The following MYT1L variants were observed in gnomAD, a reference collection of about 807,000 sequenced individuals.
MYT1L encodes myelin transcription factor 1-like protein.
In MYT1L, 12 loss-of-function variants were observed where a neutral mutation model predicts 126.7. The observed-to-expected ratio is 0.09, with a 90% CI of 0.06 to 0.15. The LOEUF (loss-of-function observed/expected upper bound fraction) is 0.15. Ranked by LOEUF, MYT1L falls within the 10% of genes least tolerant of loss-of-function variation. The probability of loss-of-function intolerance (pLI) is 1.00; values close to 1 mark genes in which losing one functional copy is unlikely to be tolerated. For missense variants in MYT1L, 979 were observed against 1,585.2 expected, an observed-to-expected ratio of 0.62 and a Z score of 6.49; for synonymous variants, 541 against 604.2, an observed-to-expected ratio of 0.90 and a Z score of 1.53.
chr2:2,192,689 C>A (rs1160352937), intron 2 of MYT1L, among the ~76,000 whole-genome samples: 1 of 152,132 alleles, frequency 6.6e-6, no homozygotes, highest in Non-Finnish European at 1.5e-5. Flanking sequence ...CACAAAGCCT[C>A]ATCCAAGTGT....
intron 2 of MYT1L, among the ~76,000 whole-genome samples, chr2:2,198,097 A>G (rs1169534366): frequency 1.3e-5 from 2 of 152,116 alleles, no homozygotes; most frequent in Non-Finnish European, 2.9e-5. Flanking sequence ...AAAGAAGGAA[A>G]TTCTGTTATT....
At chr2:1,849,365 A>G (rs1025929520) in intron 19 of MYT1L, among the ~76,000 whole-genome samples, 2 of 151,850 alleles carry the variant, frequency 1.3e-5, no homozygotes, top group African/African-American at 4.8e-5. Context: ...TTTTTAATCT[A>G]AACCAGTGAT....
chr2:2,295,249 G>A (rs549388225), intron 1 of MYT1L, among the ~76,000 whole-genome samples: 10 of 152,284 alleles, frequency 6.6e-5, no homozygotes, highest in Non-Finnish European at 8.8e-5. Context: ...GAGGAAGGGC[G>A]TTCCAGGCAG....
chr2:1,970,208 C>T (rs1002142808), intron 8 of MYT1L, among the ~76,000 whole-genome samples: 1 of 152,118 alleles, frequency 6.6e-6, no homozygotes, highest in South Asian at 2.1e-4. Flanking sequence ...GATTACTGCC[C>T]GCTCTCCTCA....
chr2:2,236,796 CTTCTTCTTCTTCTTCTTCTT>C (rs2094326199), intron 2 of MYT1L, among the ~76,000 whole-genome samples: 3 of 16,422 alleles, frequency 1.8e-4, no homozygotes, highest in African/African-American at 1.1e-3. Flanking sequence ...TCTTCTTCTT[CTTCTTCTTCTTCTTCTTCTT>C]TTTTTTTTTT....
At chr2:1,986,179 T>C (rs1172213906) in intron 5 of MYT1L, among the ~76,000 whole-genome samples, 3 of 152,252 alleles carry the variant, frequency 2.0e-5, no homozygotes. Flanking sequence ...GTCAGCTACA[T>C]TGTTAATAAT....
chr2:1,989,577 G>C (rs1170228902), intron 5 of MYT1L, among the ~76,000 whole-genome samples: 1 of 152,178 alleles, frequency 6.6e-6, no homozygotes, highest in Admixed American at 6.5e-5. Context: ...TGACAATACG[G>C]AAATAATTTA....
At chr2:2,199,378 T>C (rs1040992485) in intron 2 of MYT1L, among the ~76,000 whole-genome samples, 4 of 152,170 alleles carry the variant, frequency 2.6e-5, no homozygotes, top group Non-Finnish European at 5.9e-5. Context: ...CGGCCACAAT[T>C]TGATGGCCTT....
intron 15 of MYT1L, among the ~76,000 whole-genome samples, chr2:1,890,644 T>TA (rs879792677): frequency 0.014 from 2,078 of 146,292 alleles, 45 homozygotes; most frequent in African/African-American, 0.046. Flanking sequence ...GACAGAAAGT[T>TA]AAAAAAAAAA....
chr2:1,980,864 A>T (rs1245802211), intron 5 of MYT1L, among the ~76,000 whole-genome samples: 1 of 152,116 alleles, frequency 6.6e-6, no homozygotes, highest in Non-Finnish European at 1.5e-5. Context: ...ATAGCAGGAG[A>T]ACTCTACTCA....
intron 1 of MYT1L, among the ~76,000 whole-genome samples, chr2:2,301,299 A>G (rs1246282343): frequency 6.6e-6 from 1 of 152,124 alleles, no homozygotes; most frequent in Non-Finnish European, 1.5e-5. Context: ...TCTATATAAG[A>G]AAACTTTATT....
chr2:2,263,317 C>T (rs1209697386), intron 2 of MYT1L, among the ~76,000 whole-genome samples: 2 of 151,922 alleles, frequency 1.3e-5, no homozygotes, highest in Non-Finnish European at 2.9e-5. Context: ...CCTCCCAGCT[C>T]CAGGGTTAAC....
chr2:2,149,559 A>G (rs2085414066), intron 3 of MYT1L, among the ~76,000 whole-genome samples: 2 of 152,136 alleles, frequency 1.3e-5, no homozygotes, highest in Non-Finnish European at 1.5e-5. Context: ...CTGTTCCCTT[A>G]CTCAAAGTCT....
intron 2 of MYT1L, among the ~76,000 whole-genome samples, chr2:2,207,233 G>T (rs1054087608): frequency 6.6e-6 from 1 of 152,156 alleles, no homozygotes; most frequent in South Asian, 2.1e-4. Flanking sequence ...TGGAAAGCAT[G>T]ATTACTATGA....
At chr2:1,951,061 T>G (rs1400237270) in intron 8 of MYT1L, among the ~76,000 whole-genome samples, 1 of 152,054 alleles carries the variant, frequency 6.6e-6, no homozygotes, top group African/African-American at 2.4e-5. Context: ...GACTCAGGTC[T>G]TTGCTGGCTT....
intron 2 of MYT1L, among the ~76,000 whole-genome samples, chr2:2,270,170 C>A (rs2095234187): frequency 6.6e-6 from 1 of 152,218 alleles, no homozygotes; most frequent in Non-Finnish European, 1.5e-5. Context: ...CTGTCTGCAA[C>A]CCAGGGAGGG....
chr2:2,186,920 A>G (rs912200161), intron 2 of MYT1L, among the ~76,000 whole-genome samples: 5 of 152,188 alleles, frequency 3.3e-5, no homozygotes, highest in Non-Finnish European at 4.4e-5. Flanking sequence ...GTGCAATATC[A>G]TCTTCTGAAG....
chr2:2,029,965 G>A (rs2066050791), intron 4 of MYT1L, among the ~76,000 whole-genome samples: 1 of 152,110 alleles, frequency 6.6e-6, no homozygotes, highest in South Asian at 2.1e-4. Context: ...CCTTCTTATA[G>A]AGTTCCAGTT....
chr2:2,068,806 A>G (rs868740407), intron 3 of MYT1L, among the ~76,000 whole-genome samples: 17 of 90,292 alleles, frequency 1.9e-4, no homozygotes, highest in Non-Finnish European at 2.1e-4. Context: ...TTTCATATGT[A>G]TAAGTTCAAG....
Sources: gnomAD v4.1 joint callset for allele counts (sites outside exome capture counted in the v4.1 genomes callset) on GRCh38, gnomAD v4.1.1 for gene constraint, MANE v1.5 for transcripts, NCBI Gene and HGNC (gene_info 2026-07-23, HGNC 2026-07-21) for gene names.